ITGAE: variants seen among roughly 807,000 people sequenced by gnomAD.
The protein encoded by ITGAE is integrin alpha-E.
Under a neutral mutation model 136.5 loss-of-function variants are expected in ITGAE, and 99 were observed. The ratio of observed to expected loss-of-function variants is 0.73; its 90% CI spans 0.62 to 0.86. ITGAE has a LOEUF of 0.86. Among genes scored for constraint, ITGAE ranks in the 40% least tolerant of loss-of-function variants. ITGAE has a pLI of 0.00. For synonymous variants in ITGAE, 613 were observed against 591.8 expected (o/e 1.04, Z -0.52); for missense variants, 1,447 against 1,515.3 (o/e 0.95, Z 0.75).
At position 3,761,036 on chromosome 17, in the gene ITGAE, T is replaced by G; in HGVS notation, c.575A>C (p.Glu192Ala). 9 of 1,602,934 alleles carry G rather than the reference T, an allele frequency of 5.6e-6. No homozygotes were observed. Among genetic ancestry groups the G allele is most frequent in the Non-Finnish European group, 7.6e-6 (9 of 1,178,296 alleles). ...KEEEEDKEEE[E>A]DEEEEEAGTE... is the part of the protein sequence containing the mutation. Reference sequence around the variant, plus strand: ...ACCAGCTTCCTCCTCCTCCTCGTCTTCCTCCTCCTCCTTGTCTTCCTCCTC... The same window carrying G: ...ACCAGCTTCCTCCTCCTCCTCGTCTGCCTCCTCCTCCTTGTCTTCCTCCTC... Residue 192 changes from glutamate to alanine, a missense_variant, in exon 6 of 31, where the codon GAA becomes GCA. Around this residue, in one of 3 missense-constraint regions of ITGAE, gnomAD observed 310 missense variants for 416.1 expected, o/e 0.74. Transcript: ENST00000263087.
chr17:3,742,978 G>A (rs1012590052), intron 19 of ITGAE, among the ~76,000 whole-genome samples: 4 of 152,208 alleles, frequency 2.6e-5, no homozygotes, highest in East Asian at 3.9e-4. Context: ...GACACTACCC[G>A]CCTGTCTAAG....
chr17:3,755,992 G>A, intron 10 of ITGAE, 95 bp from the exon 11 acceptor site: 1 of 1,209,974 alleles, frequency 8.3e-7, no homozygotes, highest in Non-Finnish European at 1.2e-6. Context: ...CTCCCAGAAG[G>A]AACCATGCTT....
At chr17:3,761,680 C>T (rs1306128819) in intron 4 of ITGAE, among the ~76,000 whole-genome samples, 160 bp from the exon 5 acceptor site, 1 of 152,170 alleles carries the variant, frequency 6.6e-6, no homozygotes, top group African/African-American at 2.4e-5. Flanking sequence ...TCAGTGTTGG[C>T]ATCAAGGCCG....
chr17:3,762,717 C>T (rs1428869581), intron 3 of ITGAE, among the ~76,000 whole-genome samples: 1 of 151,130 alleles, frequency 6.6e-6, no homozygotes, highest in Non-Finnish European at 1.5e-5. Context: ...CCTGCCTCAG[C>T]CTCCTGAGTA....
At position 3,743,637 on chromosome 17, in the gene ITGAE, G is replaced by A. The variant is rs778840455; in HGVS notation, c.2320-20C>T. The stretch of plus-strand genomic sequence containing the variant: ...ACAGAGCTGTGGGGTCACCACGGAA[G>A]GCAGGGTTAGAGTTGGATGTGGGGG... On this transcript the variant is annotated intron_variant, in intron 18 of 30. Coordinates refer to ENST00000263087, the MANE Select transcript of ITGAE (RefSeq NM_002208.5). 1 of 1,607,352 alleles carries A rather than the reference G, an allele frequency of 6.2e-7. No homozygotes were observed. Among genetic ancestry groups the A allele is most frequent in the East Asian group, 2.2e-5 (1 of 44,704 alleles).
At chr17:3,742,542 T>A (rs541324277) in intron 19 of ITGAE, among the ~76,000 whole-genome samples, 1 of 151,572 alleles carries the variant, frequency 6.6e-6, no homozygotes, top group South Asian at 2.1e-4. Context: ...GCAACCACTG[T>A]CTCCCGGGGT....
chr17:3,797,107 C>T (rs1409429869), intron 1 of ITGAE, among the ~76,000 whole-genome samples: 1 of 150,230 alleles, frequency 6.7e-6, no homozygotes, highest in Non-Finnish European at 1.5e-5. Context: ...GAAAGGCCAA[C>T]AGGCCTTGAG....
intron 1 of ITGAE, among the ~76,000 whole-genome samples, chr17:3,790,098 G>A (rs182505203): frequency 6.6e-6 from 1 of 152,214 alleles, no homozygotes; most frequent in African/African-American, 2.4e-5. Context: ...TGACACTCTA[G>A]GAAGGATCTA....
chr17:3,795,748 C>T (rs2143514825), intron 1 of ITGAE, among the ~76,000 whole-genome samples: 1 of 152,276 alleles, frequency 6.6e-6, no homozygotes, highest in South Asian at 2.1e-4. Context: ...GCCGCAGAGG[C>T]ACGGTGGCAT....
chr17:3,746,517 G>A (rs534786607), intron 17 of ITGAE, among the ~76,000 whole-genome samples: 1 of 150,722 alleles, frequency 6.6e-6, no homozygotes, highest in Non-Finnish European at 1.5e-5. Flanking sequence ...GTGCAGCGGC[G>A]CGATCTTGGC....
intron 29 of ITGAE, 161 bp from the exon 30 acceptor site, chr17:3,716,959 G>A (rs2050955636): frequency 1.7e-6 from 1 of 574,316 alleles, no homozygotes; most frequent in Non-Finnish European, 3.1e-6. Flanking sequence ...CCCTGATGCA[G>A]CATTTTAGAT....
chr17:3,783,999 G>A (rs144595495), intron 1 of ITGAE, among the ~76,000 whole-genome samples: 4 of 152,324 alleles, frequency 2.6e-5, no homozygotes, highest in East Asian at 1.9e-4. Context: ...GGCGGCTCAC[G>A]CCTGTAATCC....
rs1230633631 is a variant in ITGAE, at chr17:3,799,111, G to A, written c.34+2000C>T. 3.3e-5 allele frequency among the ~76,000 whole-genome samples: 5 copies of A among 152,132 alleles called. No individual in the cohort carries two copies. In the East Asian group the frequency reaches 9.6e-4, roughly 29 times the overall value. ...TGCTGGGCCTGGAGCCACAGTCTGA[G>A]GGAGTTCTTCCTCCCAGCATCTCCT... On this transcript the variant is annotated intron_variant, in intron 1 of 30. Transcript: ENST00000263087. This position sits in a 1 kb window ranked among gnomAD's most constrained non-coding sequence, Gnocchi z 4.1.
At chr17:3,796,525 G>A (rs1371406408) in intron 1 of ITGAE, among the ~76,000 whole-genome samples, 8 of 152,120 alleles carry the variant, frequency 5.3e-5, no homozygotes, top group Non-Finnish European at 1.0e-4. Context: ...CAGGTCTGAC[G>A]CAGGAGGCTC....
rs766937604 is a variant in ITGAE, at chr17:3,724,701, G to A, written c.3085-957C>T. The A allele has an allele frequency of 9.3e-6, 15 of 1,614,200 alleles. No homozygotes were observed. The East Asian group carries it at 1.8e-4, about 19-fold the overall frequency. On this transcript the variant is annotated intron_variant, in intron 26 of 30. Coordinates refer to ENST00000263087, the MANE Select transcript of ITGAE (RefSeq NM_002208.5). ...CCTTATGAACTCAGGAACCCCTGAG[G>A]ATTCTGAGTTTCGGGCAGATGGGAA...
At chr17:3,723,227 C>G in intron 28 of ITGAE, 61 bp downstream of exon 28, 1 of 1,125,898 alleles carries the variant, frequency 8.9e-7, no homozygotes, top group Non-Finnish European at 1.4e-6. Context: ...ATTATCTCTT[C>G]TAGGGGCGAT....
chr17:3,729,384 C>G, intron 24 of ITGAE, 94 bp downstream of exon 24: 1 of 817,268 alleles, frequency 1.2e-6, no homozygotes, highest in Non-Finnish European at 2.2e-6. Flanking sequence ...TGTCCACATT[C>G]ATCCTGACCA....
chr17:3,743,146 C>G (rs569770116), intron 19 of ITGAE, among the ~76,000 whole-genome samples: 109 of 152,324 alleles, frequency 7.2e-4, no homozygotes, highest in Non-Finnish European at 1.4e-3. Context: ...CACAAGGAAC[C>G]CCCATCACAG....
chr17:3,764,865 A>AC (rs1270618597), intron 2 of ITGAE, among the ~76,000 whole-genome samples: 2 of 152,118 alleles, frequency 1.3e-5, no homozygotes, highest in Admixed American at 6.5e-5. Context: ...CTCACCATCC[A>AC]CGTTACCCAG....
Sources: allele counts gnomAD v4.1 joint callset (sites outside exome capture counted in the v4.1 genomes callset), GRCh38; gene constraint gnomAD v4.1.1; regional missense constraint gnomAD v4.1.1; non-coding constraint Gnocchi (gnomAD v3.1); transcripts MANE v1.5; gene names NCBI Gene and HGNC (gene_info 2026-07-23, HGNC 2026-07-21).